Variants in DRC7 observed in about 807,000 individuals in gnomAD.
DRC7 encodes coiled-coil domain containing 135.
A neutral mutation model predicts 104.4 loss-of-function variants in DRC7; 80 were observed. The ratio of observed to expected loss-of-function variants is 0.77; its 90% CI spans 0.64 to 0.92. The LOEUF (loss-of-function observed/expected upper bound fraction) is 0.92, where lower values mean the gene tolerates loss of function less well. DRC7 is among the 40% of genes least tolerant of loss of function. The pLI is 0.00. For missense variants in DRC7, 1,034 were observed against 1,141.1 expected, an observed-to-expected ratio of 0.91 and a Z score of 1.35; for synonymous variants, 405 against 447.3, an observed-to-expected ratio of 0.91 and a Z score of 1.19.
chr16:57,723,365 G>A (rs1489184786), intron 12 of DRC7, among the ~76,000 whole-genome samples: 6 of 152,184 alleles, frequency 3.9e-5, no homozygotes, highest in Admixed American at 3.9e-4. Context: ...AGCTAAAGGG[G>A]GCGCCACATA....
chr16:57,708,823 T>C (rs574027124), intron 8 of DRC7, among the ~76,000 whole-genome samples: 2 of 152,206 alleles, frequency 1.3e-5, no homozygotes, highest in Non-Finnish European at 2.9e-5. Flanking sequence ...TGCACTGTGG[T>C]TTTATTTAAT....
At chr16:57,695,939 G>A (rs2048588518) in intron 1 of DRC7, among the ~76,000 whole-genome samples, 1 of 152,218 alleles carries the variant, frequency 6.6e-6, no homozygotes, top group Non-Finnish European at 1.5e-5. Context: ...GGAAATTGGG[G>A]CCAGCCTTTA....
In DRC7 at chr16:57,707,440, C is replaced by A; in HGVS notation, c.859-20C>A. ...CTCTTCCAGCCATCTGACTCGTAGT[C>A]ACCCACCTTTCCTTGGCAGGAAGCG... On this transcript the variant is annotated intron_variant, in intron 7 of 18. Transcript: ENST00000360716. 2 of 1,603,402 alleles carry A rather than the reference C, an allele frequency of 1.2e-6. No individual in the cohort carries two copies. Among genetic ancestry groups the A allele is most frequent in the South Asian group, 2.2e-5 (2 of 89,330 alleles).
At chr16:57,697,223 T>C (rs991073099) in intron 2 of DRC7, among the ~76,000 whole-genome samples, 1 of 151,906 alleles carries the variant, frequency 6.6e-6, no homozygotes, top group Non-Finnish European at 1.5e-5. Context: ...AATTCATTTA[T>C]TTAAATAAGA....
chr16:57,695,878 C>G (rs1364301336), intron 1 of DRC7, among the ~76,000 whole-genome samples: 1 of 152,238 alleles, frequency 6.6e-6, no homozygotes, highest in East Asian at 1.9e-4. Context: ...GGCTGGTGGC[C>G]AGGGACTCAC....
intron 13 of DRC7, chr16:57,725,723 GT>G (rs2048954818): frequency 7.6e-6 from 2 of 263,746 alleles, no homozygotes; most frequent in African/African-American, 2.2e-5. Flanking sequence ...GTTGGCAACT[GT>G]GTGTAATGGC....
At chr16:57,712,849 A>G (rs1474453980) in intron 8 of DRC7, among the ~76,000 whole-genome samples, 1 of 152,116 alleles carries the variant, frequency 6.6e-6, no homozygotes, top group African/African-American at 2.4e-5. Context: ...CTTTTCTAAC[A>G]TAAGCCTTCT....
At chr16:57,729,939 T>A (rs1597816702) in intron 17 of DRC7, among the ~76,000 whole-genome samples, 1 of 59,172 alleles carries the variant, frequency 1.7e-5, no homozygotes, top group Non-Finnish European at 3.2e-5. Context: ...GGTGGGTGGA[T>A]GGGTGGGTGG....
chr16:57,731,478 C>G lies in DRC7; in HGVS notation c.*220C>G. On this transcript the variant is annotated 3_prime_UTR_variant, in exon 19 of 19. Transcript: ENST00000360716. ...CCATTTGTGCCTTGCGCTTCACAAG[C>G]TCCAGCAGCAGCCTTTCTCTTCTTC... 1 of 576,626 alleles carries G rather than the reference C, an allele frequency of 1.7e-6. No individual in the cohort carries two copies. The highest frequency in any genetic ancestry group is 3.1e-6 in the Non-Finnish European group (1 of 324,190). The allele number at this position is 576,626 out of a possible 1,614,324, so 35.7% of individuals were successfully genotyped here.
rs538127439 is a variant in DRC7, at chr16:57,700,385, A to G, written c.504+115A>G. The G allele has an allele frequency of 8.2e-4, 1,109 of 1,344,962 alleles. 10 individuals are homozygous for G. The African/African-American group carries it at 0.014, about 17-fold the overall frequency. 83.3% of individuals were successfully genotyped at this position (1,344,962 alleles called of 1,614,324 possible). ...ACTTAGAGGCCGGGCGTGGTAGCTCATGCCTGTAATCCCAGCATTTTGGGA... is the reference window on the plus strand; with the variant it reads ...ACTTAGAGGCCGGGCGTGGTAGCTCGTGCCTGTAATCCCAGCATTTTGGGA... On this transcript the variant is annotated intron_variant, in intron 5 of 18. Coordinates refer to ENST00000360716, the MANE Select transcript of DRC7 (RefSeq NM_001289162.2).
chr16:57,727,256 G>T, intron 15 of DRC7, 43 bp from the exon 16 acceptor site: 1 of 1,495,840 alleles, frequency 6.7e-7, no homozygotes, highest in Non-Finnish European at 9.3e-7. Context: ...CAGGAGTGGA[G>T]GAGGGGTGTC....
intron 12 of DRC7, among the ~76,000 whole-genome samples, chr16:57,723,400 C>T (rs575262982): frequency 1.3e-5 from 2 of 152,256 alleles, no homozygotes; most frequent in African/African-American, 2.4e-5. Context: ...GGAATCAGGC[C>T]GGAACCTCAC....
intron 17 of DRC7, among the ~76,000 whole-genome samples, chr16:57,730,051 TGGA>T (rs1350795973): frequency 9.1e-6 from 1 of 109,378 alleles, no homozygotes; most frequent in East Asian, 3.1e-4. Context: ...GATGGACGGA[TGGA>T]TGGATGGATG....
At position 57,726,095 on chromosome 16, in the gene DRC7, C is replaced by A. The variant is rs750192378; in HGVS notation, c.1786C>A (p.Pro596Thr). 2.5e-6 allele frequency: 4 copies of A among 1,613,366 alleles called. No homozygotes were observed. Among genetic ancestry groups the A allele is most frequent in the Non-Finnish European group, 3.4e-6 (4 of 1,180,002 alleles). Reference sequence around the variant, plus strand: ...AATCACAGAGCGGTTCTTCCGCAACCCAGCGAAGCCCGCGGAGGAGGACGT... The same window carrying A: ...AATCACAGAGCGGTTCTTCCGCAACACAGCGAAGCCCGCGGAGGAGGACGT... ...VKITERFFRN[P>T]AKPAEEDVAE... Residue 596 changes from proline to threonine, a missense_variant, in exon 14 of 19, where the codon CCA becomes ACA. Transcript: ENST00000360716.
chr16:57,726,152 C>G lies in DRC7; in HGVS notation c.1843C>G (p.Arg615Gly), dbSNP rs755902295. 6.2e-7 allele frequency: 1 copy of G among 1,613,032 alleles called. No individual in the cohort carries two copies. Among genetic ancestry groups the G allele is most frequent in the East Asian group, 2.2e-5 (1 of 44,900 alleles). ...AERVFLVAEE[R>G]IQLRYHCRED... ...GCGCGTGTTTCTGGTCGCGGAGGAG[C>G]GCATCCAGCTGCGCTACCACTGCCG... The change falls in exon 14 of 19, where the codon CGC (arginine) becomes GGC (glycine). Residue 615 changes from arginine to glycine, a missense_variant. By Grantham distance (125) the Arg-to-Gly change is moderately radical (BLOSUM62 -2). Transcript: ENST00000360716.
chr16:57,704,431 C>A (rs1330070163), intron 6 of DRC7, among the ~76,000 whole-genome samples: 1 of 151,914 alleles, frequency 6.6e-6, no homozygotes, highest in Non-Finnish European at 1.5e-5. Context: ...CCTGGCCCAG[C>A]AAACTGTTAA....
chr16:57,699,157 C>T (rs2048631035), intron 4 of DRC7, 133 bp downstream of exon 4: 1 of 1,064,386 alleles, frequency 9.4e-7, no homozygotes, highest in African/African-American at 1.6e-5. Context: ...CGCTTCTAGT[C>T]TGGGGGCAAC....
In DRC7 at chr16:57,709,790, G is replaced by A. The variant is rs7190302; in HGVS notation, c.1077+2112G>A. ...CCCAAAAGAAGATTTTTATTTTTGA[G>A]ACAGGGTCTTCCTTTGTTGACCAGG... is the stretch of plus-strand genomic sequence containing the variant. On this transcript the variant is annotated intron_variant, in intron 8 of 18. Transcript: ENST00000360716. 3.9e-5 allele frequency among the ~76,000 whole-genome samples: 6 copies of A among 152,206 alleles called. No individual in the cohort carries two copies. The South Asian group carries it at 1.2e-3, about 32-fold the overall frequency.
intron 14 of DRC7, chr16:57,726,492 C>T (rs955806990): frequency 3.2e-5 from 19 of 589,928 alleles, no homozygotes; most frequent in Non-Finnish European, 5.7e-5. Context: ...ACCAAAAAAG[C>T]GAACTCAGCA....
Sources: allele counts gnomAD v4.1 joint callset (sites outside exome capture counted in the v4.1 genomes callset), GRCh38; gene constraint gnomAD v4.1.1; transcripts MANE v1.5; gene names NCBI Gene and HGNC (gene_info 2026-07-23, HGNC 2026-07-21).